Variants in TCN1 observed in about 807,000 individuals in gnomAD.
The protein encoded by TCN1 is transcobalamin-1.
In TCN1, 47 loss-of-function variants were observed where a neutral mutation model predicts 46.3. That is an observed-to-expected ratio of 1.01 (90% confidence interval 0.80 to 1.29). The LOEUF is 1.29. TCN1 is among the 50% of genes most tolerant of loss of function. TCN1 has a pLI of 0.00. For missense variants in TCN1, 532 were observed against 511.0 expected (o/e 1.04, Z -0.40); for synonymous variants, 183 against 192.5 (o/e 0.95, Z 0.41).
intron 5 of TCN1, among the ~76,000 whole-genome samples, chr11:59,857,124 C>T (rs977548629): frequency 6.6e-6 from 1 of 152,066 alleles, no homozygotes; most frequent in African/African-American, 2.4e-5. Flanking sequence ...TCTTAAGACA[C>T]GTCAATAAAT....
At chr11:59,854,893 T>A (rs747036639) in intron 6 of TCN1, 58 bp from the exon 7 acceptor site, 47 of 1,587,958 alleles carry the variant, frequency 3.0e-5, no homozygotes, top group Middle Eastern at 1.7e-4. Context: ...GATATTAGAG[T>A]TTGCAGACCT....
chr11:59,859,776 T>C (rs1371966842), intron 4 of TCN1, among the ~76,000 whole-genome samples: 6 of 152,204 alleles, frequency 3.9e-5, no homozygotes, highest in Non-Finnish European at 8.8e-5. Flanking sequence ...TGTATGTGTG[T>C]CTGCAATCAT....
In TCN1 at chr11:59,853,245, T is replaced by C. The variant is rs774852812; in HGVS notation, c.1198A>G (p.Thr400Ala). 1 of 1,614,140 alleles carries C rather than the reference T, an allele frequency of 6.2e-7. No homozygotes were observed. The part of the protein sequence containing the change: ...QGLCANNNDR[T>A]YWELLSGGEP... The stretch of plus-strand genomic sequence containing the variant: ...CCTCCACTCAGAAGTTCCCAGTAGG[T>C]TCTGTCATTATTGTTGGCACATAGG... Residue 400 changes from threonine (T) to alanine (A), a missense_variant, in exon 8 of 9, where the codon ACC (threonine) becomes GCC (alanine). By Grantham distance (58) the Thr-to-Ala change is moderately conservative. Coordinates refer to ENST00000257264, the MANE Select transcript of TCN1 (RefSeq NM_001062.4).
At chr11:59,855,455 A>G (rs1183565244) in intron 6 of TCN1, among the ~76,000 whole-genome samples, 2 of 152,126 alleles carry the variant, frequency 1.3e-5, no homozygotes, top group African/African-American at 2.4e-5. Context: ...GCATGCTACA[A>G]TTTTTGAATA....
rs1300059895 is a variant in TCN1, at chr11:59,862,580, AC to A, written c.400+1del. The A allele has an allele frequency of 1.2e-6, 2 of 1,613,068 alleles. No individual in the cohort carries two copies. The highest frequency in any genetic ancestry group is 1.7e-5 in the Admixed American group (1 of 59,962). On this transcript the variant is annotated splice_donor_variant, in intron 3 of 8. Transcript: ENST00000257264. LOFTEE classifies it high-confidence loss of function. The stretch of plus-strand genomic sequence containing the variant: ...TAGGGTCTCTAAATATTTAATTCTT[AC>A]CCATATTTTCAATTTCTGCTTGGAA...
chr11:59,858,805 C>T (rs919784848), intron 5 of TCN1, among the ~76,000 whole-genome samples: 6 of 152,088 alleles, frequency 3.9e-5, no homozygotes, highest in African/African-American at 1.4e-4. Context: ...TCTGTCTCTA[C>T]TAAAAATAGA....
chr11:59,861,744 A>G (rs1853017817), intron 3 of TCN1, 62 bp from the exon 4 acceptor site: 3 of 1,551,680 alleles, frequency 1.9e-6, no homozygotes, highest in African/African-American at 1.4e-5. Flanking sequence ...TGCATTTTCC[A>G]TCTATTCCTA....
intron 7 of TCN1, among the ~76,000 whole-genome samples, chr11:59,853,841 A>G (rs1450531513): frequency 6.6e-6 from 1 of 152,122 alleles, no homozygotes; most frequent in African/African-American, 2.4e-5. Context: ...CCTCCCTTAA[A>G]GCCCTTGAGG....
intron 2 of TCN1, 78 bp downstream of exon 2, chr11:59,863,829 A>AT: frequency 6.4e-7 from 1 of 1,554,008 alleles, no homozygotes. Flanking sequence ...TGGATGCATA[A>AT]TTTTTTAGGA....
In TCN1 at chr11:59,866,308, T is replaced by G; in HGVS notation, c.79+84A>C. 2.2e-6 allele frequency: 3 copies of G among 1,385,948 alleles called. No individual in the cohort carries two copies. The South Asian group carries it at 3.5e-5, about 16-fold the overall frequency. The allele number at this position is 1,385,948 out of a possible 1,614,324, so 85.9% of individuals were successfully genotyped here. A position where few individuals can be genotyped will look rare whatever the true frequency, so the allele number is the denominator to read the frequency against. On this transcript the variant is annotated intron_variant, in intron 1 of 8. Coordinates refer to ENST00000257264, the MANE Select transcript of TCN1 (RefSeq NM_001062.4). ...TACGAAACTGGAATGGGATCTTTTCTCAGGTAACTCTACATAGAGTCTCTT... is the reference window on the plus strand; with the variant it reads ...TACGAAACTGGAATGGGATCTTTTCGCAGGTAACTCTACATAGAGTCTCTT...
At chr11:59,856,083 G>C in intron 5 of TCN1, 25 bp from the exon 6 acceptor site, 2 of 1,265,344 alleles carry the variant, frequency 1.6e-6, no homozygotes, top group Non-Finnish European at 2.3e-6. Flanking sequence ...TGGGGTGGGG[G>C]GGTGATGAGA....
intron 1 of TCN1, 34 bp from the exon 2 acceptor site, chr11:59,864,120 T>C (rs374213616): frequency 6.2e-7 from 1 of 1,607,630 alleles, no homozygotes; most frequent in Non-Finnish European, 8.5e-7. Context: ...AAGAAACACA[T>C]ACTCAGAAAA....
At chr11:59,854,933 T>A in intron 6 of TCN1, 98 bp from the exon 7 acceptor site, 1 of 1,295,860 alleles carries the variant, frequency 7.7e-7, no homozygotes, top group East Asian at 2.4e-5. Flanking sequence ...ACTCCTTGCC[T>A]TTATGCAGAC....
rs1852914780 is a variant in TCN1 at position 59,854,943 on chromosome 11, C to T, written c.938-108G>A. On this transcript the variant is annotated intron_variant, in intron 6 of 8. Transcript: ENST00000257264. ...CAAGGACTCCTTGCCTTTATGCAGA[C>T]ACGGATTTACTATAAGGAGCAATTA... is the stretch of plus-strand genomic sequence containing the variant. The T allele has an allele frequency of 2.5e-6, 3 of 1,187,942 alleles. No homozygotes were observed. The South Asian group carries it at 3.8e-5, about 15-fold the overall frequency. 73.6% of individuals were successfully genotyped at this position (1,187,942 alleles called of 1,614,324 possible).
At position 59,854,748 on chromosome 11, in the gene TCN1, A is replaced by T; in HGVS notation, c.1025T>A (p.Ile342Asn). ...GACATTGGTGAAATATGTTTCATTG[A>T]TTCTCACAGAGTAATTGACGGAGAT... ...SYISVNYSVR[I>N]NETYFTNVTV... The change falls in exon 7 of 9, where the codon ATC becomes AAC. Residue 342 changes from isoleucine (I) to asparagine (N), a missense_variant. Coordinates refer to ENST00000257264, the MANE Select transcript of TCN1 (RefSeq NM_001062.4). The T allele has an allele frequency of 6.2e-7, 1 of 1,614,056 alleles. No homozygotes were observed. The highest frequency in any genetic ancestry group is 1.1e-5 in the South Asian group (1 of 91,086).
At position 59,855,950 on chromosome 11, in the gene TCN1, C is replaced by A; in HGVS notation, c.856G>T (p.Ala286Ser). The A allele has an allele frequency of 6.2e-7, 1 of 1,613,626 alleles. No homozygotes were observed. The highest frequency in any genetic ancestry group is 1.7e-5 in the Admixed American group (1 of 59,966). ...AGGGCAGGTAAGACCTGGGCTGCAG[C>A]GTTTGGATTGCTGAATGCTCCTTGA... ...ISQGAFSNPN[A>S]AAQVLPALMG... Residue 286 changes from alanine to serine, a missense_variant, in exon 6 of 9, where the codon GCT (alanine) becomes TCT (serine). Transcript: ENST00000257264.
chr11:59,860,043 A>T (rs1361804296), intron 4 of TCN1, among the ~76,000 whole-genome samples: 1 of 152,224 alleles, frequency 6.6e-6, no homozygotes, highest in Admixed American at 6.5e-5. Context: ...AAGCCAGGAA[A>T]TTAGCTTAAA....
chr11:59,859,011 A>C (rs1852985017), intron 5 of TCN1, 66 bp downstream of exon 5: 1 of 1,580,710 alleles, frequency 6.3e-7, no homozygotes, highest in Non-Finnish European at 8.6e-7. Flanking sequence ...TCTTAAAAAA[A>C]AAAAAATACT....
intron 5 of TCN1, among the ~76,000 whole-genome samples, chr11:59,858,782 A>G (rs1218593396): frequency 1.3e-5 from 2 of 152,180 alleles, no homozygotes; most frequent in Non-Finnish European, 2.9e-5. Context: ...CGGCCTGGCC[A>G]ACATGGTGAA....
Sources: gnomAD v4.1 joint callset for allele counts (sites outside exome capture counted in the v4.1 genomes callset) on GRCh38, gnomAD v4.1.1 for gene constraint, MANE v1.5 for transcripts, NCBI Gene and HGNC (gene_info 2026-07-23, HGNC 2026-07-21) for gene names.